The following PRKG1 variants were observed in gnomAD, a reference collection of about 807,000 sequenced individuals.
PRKG1 encodes cGMP-dependent protein kinase 1.
In PRKG1, 35 loss-of-function variants were observed where a neutral mutation model predicts 88.1. That is an observed-to-expected ratio of 0.40 (90% CI 0.30 to 0.53). PRKG1 has a LOEUF of 0.53. PRKG1 is among the 20% of genes least tolerant of loss of function. The pLI is 0.59. For synonymous variants in PRKG1, 303 were observed against 292.5 expected (o/e 1.04, Z -0.37); for missense variants, 540 against 839.8 (o/e 0.64, Z 4.41).
At chr10:51,011,966 A>G (rs1842999056) in intron 1 of PRKG1, among the ~76,000 whole-genome samples, 1 of 152,232 alleles carries the variant, frequency 6.6e-6, no homozygotes, top group South Asian at 2.1e-4. Context: ...GCAGGCAAGA[A>G]GAGAACTTGT....
chr10:51,967,784 C>T (rs1383080065), intron 5 of PRKG1, among the ~76,000 whole-genome samples: 1 of 152,106 alleles, frequency 6.6e-6, no homozygotes, highest in Non-Finnish European at 1.5e-5. Flanking sequence ...GCTTTTGTGA[C>T]CACAATCATC....
intron 5 of PRKG1, chr10:51,908,861 T>C (rs7899987): frequency 0.75 from 113,171 of 150,986 alleles, 42,924 homozygotes; most frequent in African/African-American, 0.87. Flanking sequence ...TCCTGAGTAG[T>C]TGGGATTACA....
chr10:51,130,730 G>A (rs1011897792), intron 1 of PRKG1, among the ~76,000 whole-genome samples: 4 of 151,834 alleles, frequency 2.6e-5, no homozygotes, highest in Non-Finnish European at 4.4e-5. Context: ...GTGAAACCCC[G>A]TCTCTACTAA....
At chr10:52,107,087 T>A (rs2132580328) in intron 7 of PRKG1, among the ~76,000 whole-genome samples, 1 of 152,292 alleles carries the variant, frequency 6.6e-6, no homozygotes, top group East Asian at 1.9e-4. Context: ...AGAGACTGGC[T>A]ATGAGTGAGT....
In PRKG1 at chr10:51,627,941, C is replaced by CCTTTCTTT. The variant is rs1301471363; in HGVS notation, c.592+160128_592+160135dup. ...CCTTCCCTTCCTTTCTTCCTTCCTT[C>CCTTTCTTT]CTTTCTTTCTTTCTTTCTTTCTTTC... is the stretch of plus-strand genomic sequence containing the variant. On this transcript the variant is annotated intron_variant, in intron 3 of 17. Coordinates refer to ENST00000373980, the MANE Select transcript of PRKG1 (RefSeq NM_006258.4). Among the ~76,000 whole-genome samples the CCTTTCTTT allele has an allele frequency of 5.6e-4, 14 of 25,104 alleles. No homozygotes were observed. In the East Asian group the frequency reaches 0.02, roughly 36 times the overall value. 16.5% of individuals were successfully genotyped at this position (25,104 alleles called of 152,430 possible).
chr10:51,891,756 CAT>C (rs1434169109), intron 4 of PRKG1, among the ~76,000 whole-genome samples: 1 of 152,160 alleles, frequency 6.6e-6, no homozygotes, highest in Non-Finnish European at 1.5e-5. Context: ...TAAAAGCAGA[CAT>C]AGATAATACA....
At chr10:51,498,217 C>A (rs1488392565) in intron 3 of PRKG1, among the ~76,000 whole-genome samples, 1 of 152,136 alleles carries the variant, frequency 6.6e-6, no homozygotes, top group Non-Finnish European at 1.5e-5. Flanking sequence ...TTAATAAGCT[C>A]AAAGTCTAAT....
chr10:51,414,089 C>T (rs1356452343), intron 2 of PRKG1, among the ~76,000 whole-genome samples: 1 of 152,098 alleles, frequency 6.6e-6, no homozygotes, highest in African/African-American at 2.4e-5. Flanking sequence ...ATAACAATAC[C>T]CATTTTTTAG....
rs375283377 is a variant in PRKG1 at position 52,285,547 on chromosome 10, A to G, written c.1710-3179A>G. Reference sequence around the variant, plus strand: ...TCTGGAAAGTGCTTTTGTGAGTTCAATGTTTTTCTTATTTTAATCAGTTTG... The same window carrying G: ...TCTGGAAAGTGCTTTTGTGAGTTCAGTGTTTTTCTTATTTTAATCAGTTTG... On this transcript the variant is annotated intron_variant, in intron 14 of 17. Coordinates refer to ENST00000373980, the MANE Select transcript of PRKG1 (RefSeq NM_006258.4). 4.6e-5 allele frequency among the ~76,000 whole-genome samples: 7 copies of G among 152,262 alleles called. No homozygotes were observed. The South Asian group carries it at 1.2e-3, about 27-fold the overall frequency.
At chr10:51,143,600 A>G (rs1421337463) in intron 1 of PRKG1, among the ~76,000 whole-genome samples, 1 of 152,050 alleles carries the variant, frequency 6.6e-6, no homozygotes, top group Non-Finnish European at 1.5e-5. Context: ...ACAGTGTGTA[A>G]GGATTCCCTT....
chr10:52,153,592 G>C (rs1247794537), intron 8 of PRKG1, among the ~76,000 whole-genome samples: 3 of 152,174 alleles, frequency 2.0e-5, no homozygotes, highest in Non-Finnish European at 2.9e-5. Flanking sequence ...AATGCCACTT[G>C]CAGGGAGTAA....
At chr10:51,279,429 C>G (rs554680406) in intron 2 of PRKG1, among the ~76,000 whole-genome samples, 1 of 152,188 alleles carries the variant, frequency 6.6e-6, no homozygotes, top group East Asian at 1.9e-4. Context: ...TCCTGGATAT[C>G]CTTGTTAACT....
At chr10:51,242,999 G>A in intron 2 of PRKG1, among the ~76,000 whole-genome samples, 1 of 152,140 alleles carries the variant, frequency 6.6e-6, no homozygotes, top group Non-Finnish European at 1.5e-5. Flanking sequence ...TTCTGTGAAT[G>A]TTTCACTAGG....
intron 3 of PRKG1, among the ~76,000 whole-genome samples, chr10:51,537,797 G>C (rs1168833380): frequency 6.6e-6 from 1 of 151,778 alleles, no homozygotes; most frequent in Non-Finnish European, 1.5e-5. Flanking sequence ...TCCACCCATG[G>C]GGAGTATTCT....
chr10:51,601,343 T>A (rs1272085679), intron 3 of PRKG1, among the ~76,000 whole-genome samples: 2 of 152,130 alleles, frequency 1.3e-5, no homozygotes, highest in African/African-American at 2.4e-5. Context: ...ACATGAATAT[T>A]TTAGAAAGGC....
At chr10:51,160,567 T>G (rs1340062454) in intron 2 of PRKG1, among the ~76,000 whole-genome samples, 2 of 152,250 alleles carry the variant, frequency 1.3e-5, no homozygotes, top group Non-Finnish European at 2.9e-5. Context: ...CTAAGTTTTC[T>G]GATTGTCTCT....
At chr10:51,979,410 G>GTTTTTTTTTTTTTTTTTCTTTTT (rs1843937733) in intron 5 of PRKG1, among the ~76,000 whole-genome samples, 1 of 47,056 alleles carries the variant, frequency 2.1e-5, no homozygotes. Context: ...ATATTGGTCT[G>GTTTTTTTTTTTTTTTTTCTTTTT]TTTTTTTTTT....
At chr10:52,023,906 C>A in intron 5 of PRKG1, among the ~76,000 whole-genome samples, 1 of 152,286 alleles carries the variant, frequency 6.6e-6, no homozygotes, top group East Asian at 1.9e-4. Flanking sequence ...TGCAGAAGCT[C>A]TTTAGCTTAA....
At chr10:51,621,007 G>GTATATATATATATA (rs370817382) in intron 3 of PRKG1, among the ~76,000 whole-genome samples, 5,875 of 121,630 alleles carry the variant, frequency 0.048, 220 homozygotes, top group Middle Eastern at 0.093. Flanking sequence ...GTGTATATGT[G>GTATATATATATATA]TGTATATATA....
Sources: gnomAD v4.1 joint callset for allele counts (sites outside exome capture counted in the v4.1 genomes callset) on GRCh38, gnomAD v4.1.1 for gene constraint, MANE v1.5 for transcripts, NCBI Gene and HGNC (gene_info 2026-07-23, HGNC 2026-07-21) for gene names.